Variants in RCAN2 observed in about 807,000 individuals in gnomAD.
RCAN2 encodes the protein calcipressin-2.
In RCAN2, 9 loss-of-function variants were observed where a neutral mutation model predicts 23.6. The ratio of observed to expected loss-of-function variants is 0.38; its 90% CI spans 0.23 to 0.67. RCAN2 has a LOEUF of 0.67. Among genes scored for constraint, RCAN2 ranks in the 30% least tolerant of loss-of-function variants. RCAN2 has a pLI of 0.51. For synonymous variants in RCAN2, 109 were observed against 115.7 expected, an observed-to-expected ratio of 0.94 and a Z score of 0.37; for missense variants, 273 against 302.3, an observed-to-expected ratio of 0.90 and a Z score of 0.72.
chr6:46,239,914 T>C (rs930905634), intron 4 of RCAN2, among the ~76,000 whole-genome samples: 1 of 151,922 alleles, frequency 6.6e-6, no homozygotes, highest in African/African-American at 2.4e-5. Context: ...AGGACCTGAA[T>C]TAATGGTTGA....
intron 1 of RCAN2, among the ~76,000 whole-genome samples, chr6:46,479,892 T>A (rs904613209): frequency 3.9e-5 from 6 of 152,076 alleles, no homozygotes; most frequent in Admixed American, 2.0e-4. Flanking sequence ...CATTTCTTTA[T>A]CCACAGCAAA....
intron 2 of RCAN2, among the ~76,000 whole-genome samples, chr6:46,310,587 T>A (rs768915008): frequency 9.4e-5 from 14 of 148,384 alleles, no homozygotes; most frequent in Non-Finnish European, 1.6e-4. Context: ...AAGAAATCTC[T>A]TAGTGGAATT....
intron 2 of RCAN2, among the ~76,000 whole-genome samples, chr6:46,407,930 G>T (rs544573260): frequency 5.3e-5 from 8 of 152,310 alleles, no homozygotes; most frequent in African/African-American, 1.9e-4. Flanking sequence ...TAAACAGAAT[G>T]AGTAACTGGA....
intron 2 of RCAN2, among the ~76,000 whole-genome samples, chr6:46,413,963 C>T (rs1027324559): frequency 4.6e-5 from 7 of 152,140 alleles, no homozygotes; most frequent in African/African-American, 7.2e-5. Flanking sequence ...CCACGGCCCC[C>T]AGCCACCCGG....
chr6:46,403,111 C>T (rs1465690946), intron 2 of RCAN2, among the ~76,000 whole-genome samples: 1 of 151,964 alleles, frequency 6.6e-6, no homozygotes, highest in Non-Finnish European at 1.5e-5. Context: ...ACTACAGGCG[C>T]CCGCCACCAC....
intron 2 of RCAN2, among the ~76,000 whole-genome samples, chr6:46,284,170 T>C (rs193019137): frequency 2.0e-5 from 3 of 149,360 alleles, no homozygotes; most frequent in Admixed American, 2.0e-4. Flanking sequence ...GCAGAAAATT[T>C]GTACCTTCTC....
intron 2 of RCAN2, among the ~76,000 whole-genome samples, chr6:46,329,080 T>C (rs1763881982): frequency 6.6e-6 from 1 of 152,144 alleles, no homozygotes; most frequent in Non-Finnish European, 1.5e-5. Flanking sequence ...TCCAGCCCAA[T>C]TGGCCTTATT....
intron 2 of RCAN2, among the ~76,000 whole-genome samples, chr6:46,308,705 G>A (rs1763147518): frequency 6.6e-6 from 1 of 152,158 alleles, no homozygotes; most frequent in Non-Finnish European, 1.5e-5. Context: ...AATGTGGTCA[G>A]GCCAAACAGC....
intron 4 of RCAN2, among the ~76,000 whole-genome samples, chr6:46,243,271 T>C (rs1381747494): frequency 6.6e-6 from 1 of 152,068 alleles, no homozygotes; most frequent in Non-Finnish European, 1.5e-5. Flanking sequence ...TTCAAGGACA[T>C]AGAAAAGGGA....
At chr6:46,393,837 T>A (rs1045971026) in intron 2 of RCAN2, among the ~76,000 whole-genome samples, 2 of 152,196 alleles carry the variant, frequency 1.3e-5, no homozygotes, top group Admixed American at 1.3e-4. Context: ...AGGGTGTTGC[T>A]TCTCCTGACC....
intron 2 of RCAN2, among the ~76,000 whole-genome samples, chr6:46,444,662 C>T (rs1017284157): frequency 6.6e-6 from 1 of 152,196 alleles, no homozygotes; most frequent in Non-Finnish European, 1.5e-5. Flanking sequence ...CCAAGCCAGT[C>T]CCTACAGCCT....
intron 2 of RCAN2, among the ~76,000 whole-genome samples, chr6:46,320,363 C>T (rs1183303989): frequency 6.6e-6 from 1 of 152,186 alleles, no homozygotes; most frequent in African/African-American, 2.4e-5. Flanking sequence ...ATCATACCAA[C>T]TCAGCCTCAT....
intron 4 of RCAN2, among the ~76,000 whole-genome samples, chr6:46,228,044 T>C (rs1158563007): frequency 1.3e-5 from 2 of 152,238 alleles, no homozygotes. Context: ...CCAGTAATCA[T>C]TCAGGAGCAG....
intron 2 of RCAN2, among the ~76,000 whole-genome samples, chr6:46,376,861 C>T (rs939291556): frequency 1.3e-4 from 20 of 152,108 alleles, no homozygotes; most frequent in African/African-American, 4.6e-4. Flanking sequence ...CACTTCCCCC[C>T]GCCCCGCACC....
At chr6:46,350,593 C>T (rs546628850) in intron 2 of RCAN2, among the ~76,000 whole-genome samples, 7 of 152,312 alleles carry the variant, frequency 4.6e-5, no homozygotes, top group African/African-American at 1.7e-4. Context: ...AATGGTAAAA[C>T]TGATCTGCTT....
At chr6:46,478,626 A>G (rs1768776642) in intron 1 of RCAN2, among the ~76,000 whole-genome samples, 1 of 152,112 alleles carries the variant, frequency 6.6e-6, no homozygotes, top group African/African-American at 2.4e-5. Context: ...CCTCCGATCT[A>G]GTGCTCCAAA....
intron 4 of RCAN2, among the ~76,000 whole-genome samples, chr6:46,225,106 AT>A (rs1425573032): frequency 7.9e-5 from 12 of 152,360 alleles, no homozygotes; most frequent in Admixed American, 6.5e-4. Flanking sequence ...TACAAAGGAC[AT>A]GAACTCATCC....
intron 2 of RCAN2, among the ~76,000 whole-genome samples, chr6:46,296,695 T>A (rs1021743548): frequency 6.6e-6 from 1 of 152,050 alleles, no homozygotes; most frequent in Non-Finnish European, 1.5e-5. Context: ...CCATTTAGCT[T>A]CTTATTTGTA....
rs146532708 is a variant in RCAN2, at chr6:46,403,568, G to A, written c.225+53184C>T. Among the ~76,000 whole-genome samples the A allele has an allele frequency of 9.7e-3, 1,082 of 111,562 alleles. 16 individuals are homozygous for A. Among genetic ancestry groups the A allele is most frequent in the African/African-American group, 0.029 (987 of 33,658 alleles). 73.2% of individuals were successfully genotyped at this position (111,562 alleles called of 152,430 possible). A position where few individuals can be genotyped will look rare whatever the true frequency, so the allele number is the denominator to read the frequency against. On this transcript the variant is annotated intron_variant, in intron 2 of 4. Transcript: ENST00000371374. ...GCCTGGGCAACAAGAGCGAAACTCC[G>A]TATCAAAAAAAAAAAAAAAAAATTC... is the stretch of plus-strand genomic sequence containing the variant.
Sources: allele counts gnomAD v4.1 joint callset (sites outside exome capture counted in the v4.1 genomes callset), GRCh38; gene constraint gnomAD v4.1.1; transcripts MANE v1.5; gene names NCBI Gene and HGNC (gene_info 2026-07-23, HGNC 2026-07-21).